Variants in LRRC9 observed in about 807,000 individuals in gnomAD.
LRRC9 encodes leucine rich repeat containing 9.
In LRRC9, 122 loss-of-function variants were observed where a neutral mutation model predicts 63.2. The ratio of observed to expected loss-of-function variants is 1.93; its 90% CI spans 1.67 to 2.24. The LOEUF is 2.24. Among genes scored for constraint, LRRC9 ranks in the 30% most tolerant of loss-of-function variants. The probability of loss-of-function intolerance (pLI) is 0.00; values close to 1 mark genes in which losing one functional copy is unlikely to be tolerated. For synonymous variants in LRRC9, 366 were observed against 213.1 expected, an observed-to-expected ratio of 1.72 and a Z score of -6.25; for missense variants, 1,071 against 627.7, an observed-to-expected ratio of 1.71 and a Z score of -7.55.
At chr14:60,005,859 T>C (rs924618137) in intron 21 of LRRC9, among the ~76,000 whole-genome samples, 6 of 152,122 alleles carry the variant, frequency 3.9e-5, no homozygotes, top group African/African-American at 1.4e-4. Flanking sequence ...TATAAAGTGC[T>C]TGCAGTACAT....
chr14:60,029,856 G>A (rs1277419160), intron 28 of LRRC9, among the ~76,000 whole-genome samples: 1 of 151,884 alleles, frequency 6.6e-6, no homozygotes, highest in East Asian at 1.9e-4. Flanking sequence ...CCTTGAAATG[G>A]TATTTTCCAT....
At chr14:60,043,123 T>C (rs1041335923) in intron 29 of LRRC9, among the ~76,000 whole-genome samples, 2 of 152,226 alleles carry the variant, frequency 1.3e-5, no homozygotes, top group African/African-American at 4.8e-5. Flanking sequence ...ATAAATGCTA[T>C]TGATTTTTGT....
intron 1 of LRRC9, among the ~76,000 whole-genome samples, chr14:59,920,653 T>G (rs545804340): frequency 6.6e-6 from 1 of 152,322 alleles, no homozygotes; most frequent in East Asian, 1.9e-4. Flanking sequence ...TCTGATCCTT[T>G]TATACCCAAA....
Position 60,036,431 on chromosome 14 carries a change from C to G in LRRC9, c.3990+4368C>G, listed in dbSNP as rs1029583123. Among the ~76,000 whole-genome samples the G allele has an allele frequency of 7.2e-5, 11 of 152,294 alleles. No individual in the cohort carries two copies. In the South Asian group the frequency reaches 8.3e-4, roughly 11 times the overall value. ...CAGTCTAGAAGATTCCTCCTCCAGA[C>G]TGAGGAATCTTCCAGACCAGAGAAG... On this transcript the variant is annotated intron_variant, in intron 29 of 31. Coordinates refer to ENST00000445360, the Ensembl canonical transcript of LRRC9.
At chr14:60,066,088 G>C (rs929805439), downstream of LRRC9, among the ~76,000 whole-genome samples, 5 of 151,820 alleles carry the variant, frequency 3.3e-5, no homozygotes, top group African/African-American at 1.2e-4. Context: ...CAACGTGCTG[G>C]GATTATAGGC....
Position 59,923,810 on chromosome 14 carries a change from A to G in LRRC9, c.-34+3927A>G, listed in dbSNP as rs928073734. Among the ~76,000 whole-genome samples the G allele has an allele frequency of 3.3e-5, 5 of 152,118 alleles. No homozygotes were observed. Among genetic ancestry groups the G allele is most frequent in the East Asian group, 1.9e-4 (1 of 5,192 alleles). On this transcript the variant is annotated intron_variant, in intron 1 of 31. Transcript: ENST00000445360. The surrounding 1 kb of genome is among the most constrained non-coding windows in gnomAD (Gnocchi z 4.2). ...AAAAAAATTAGCCGGGCGTGGTGGCAGGCGCCTATAGTTCCAGCGACTCCG... is the reference window on the plus strand; with the variant it reads ...AAAAAAATTAGCCGGGCGTGGTGGCGGGCGCCTATAGTTCCAGCGACTCCG...
At position 60,051,700 on chromosome 14, in the gene LRRC9, C is replaced by A. The variant is rs1893904440; in HGVS notation, c.3991-1365C>A. On this transcript the variant is annotated intron_variant, in intron 29 of 31. Coordinates refer to ENST00000445360, the Ensembl canonical transcript of LRRC9. The surrounding 1 kb of genome is among the most constrained non-coding windows in gnomAD (Gnocchi z 4.7). ...CTAGGGGAATGTACAGACAGATCTACTGCCTTGCCAGAATCCCGGCGCTGG... is the reference window on the plus strand; with the variant it reads ...CTAGGGGAATGTACAGACAGATCTAATGCCTTGCCAGAATCCCGGCGCTGG... 6.6e-6 allele frequency among the ~76,000 whole-genome samples: 1 copy of A among 152,198 alleles called. No homozygotes were observed. The highest frequency in any genetic ancestry group is 2.4e-5 in the African/African-American group (1 of 41,446).
At chr14:59,949,445 C>A (rs1377256209) in intron 8 of LRRC9, among the ~76,000 whole-genome samples, 1 of 148,946 alleles carries the variant, frequency 6.7e-6, no homozygotes, top group Non-Finnish European at 1.5e-5. Flanking sequence ...TTTGTTGATC[C>A]TTTCAAAAAA....
intron 1 of LRRC9, among the ~76,000 whole-genome samples, chr14:59,921,648 A>G (rs979689539): frequency 6.6e-5 from 10 of 151,732 alleles, no homozygotes; most frequent in African/African-American, 1.9e-4. Context: ...AATGAGTTCA[A>G]TTTTGAACAC....
At chr14:59,975,102 C>CATATATATGTATAT (rs1446854015) in intron 13 of LRRC9, among the ~76,000 whole-genome samples, 3 of 9,630 alleles carry the variant, frequency 3.1e-4, no homozygotes, top group African/African-American at 4.8e-4. Context: ...TATATATATA[C>CATATATATGTATAT]ATATATATAT....
At chr14:59,985,428 TA>T (rs1049096988) in intron 17 of LRRC9, among the ~76,000 whole-genome samples, 1 of 152,228 alleles carries the variant, frequency 6.6e-6, no homozygotes, top group Non-Finnish European at 1.5e-5. Flanking sequence ...TGGTAATCAT[TA>T]CACAATTATA....
At chr14:59,928,527 T>C in intron 3 of LRRC9, 41 bp downstream of exon 3, 1 of 550,312 alleles carries the variant, frequency 1.8e-6, no homozygotes, top group Middle Eastern at 4.3e-4. Flanking sequence ...TATTTTATTC[T>C]GAATTATTTG....
At chr14:60,052,468 G>A (rs901717603) in intron 29 of LRRC9, among the ~76,000 whole-genome samples, 1 of 152,168 alleles carries the variant, frequency 6.6e-6, no homozygotes. Flanking sequence ...ACCCCAGAAG[G>A]AAATGAGGTG....
intron 12 of LRRC9, among the ~76,000 whole-genome samples, chr14:59,971,472 C>T (rs996322744): frequency 6.6e-5 from 10 of 152,048 alleles, no homozygotes; most frequent in Admixed American, 5.9e-4. Flanking sequence ...TGAAGAATGT[C>T]ACTGTTAGTT....
intron 21 of LRRC9, among the ~76,000 whole-genome samples, chr14:60,005,910 C>A (rs922809126): frequency 6.6e-6 from 1 of 152,044 alleles, no homozygotes; most frequent in Non-Finnish European, 1.5e-5. Context: ...TTCCAAACTT[C>A]CATCTTAGAG....
chr14:60,044,270 T>G (rs1438914223), intron 29 of LRRC9, among the ~76,000 whole-genome samples: 1 of 152,100 alleles, frequency 6.6e-6, no homozygotes, highest in Non-Finnish European at 1.5e-5. Context: ...GTTGATCTTC[T>G]GTTTTTTAGT....
intron 23 of LRRC9, among the ~76,000 whole-genome samples, chr14:60,010,374 C>T (rs1890164560): frequency 6.6e-6 from 1 of 152,192 alleles, no homozygotes. Flanking sequence ...TACATTGGCC[C>T]CTTTTAGCCA....
At chr14:60,019,926 T>C (rs946120076) in intron 26 of LRRC9, among the ~76,000 whole-genome samples, 2 of 151,720 alleles carry the variant, frequency 1.3e-5, no homozygotes, top group African/African-American at 4.8e-5. Context: ...TTCATTCCAG[T>C]TTTCCCAATA....
intron 10 of LRRC9, among the ~76,000 whole-genome samples, chr14:59,965,434 A>G (rs188296221): frequency 2.0e-5 from 3 of 152,294 alleles, no homozygotes; most frequent in East Asian, 1.9e-4. Flanking sequence ...AGAGCAGACA[A>G]TGCCTCTTTC....
Sources: allele counts gnomAD v4.1 joint callset (sites outside exome capture counted in the v4.1 genomes callset), GRCh38; gene constraint gnomAD v4.1.1; non-coding constraint Gnocchi (gnomAD v3.1); transcripts MANE v1.5; gene names NCBI Gene and HGNC (gene_info 2026-07-23, HGNC 2026-07-21).